SLC28A3: variants seen among roughly 807,000 people sequenced by gnomAD.
SLC28A3 encodes the protein concentrative Na(+)-nucleoside cotransporter 3.
SLC28A3 carries 68 observed loss-of-function variants against 84.2 expected under a neutral mutation model. The ratio of observed to expected loss-of-function variants is 0.81; its 90% confidence interval spans 0.66 to 0.99. SLC28A3 has a LOEUF of 0.99. Among genes scored for constraint, SLC28A3 ranks in the 50% least tolerant of loss-of-function variants. The pLI is 0.00. For missense variants in SLC28A3, 712 were observed against 841.5 expected (o/e 0.85, Z 1.90); for synonymous variants, 267 against 303.6 (o/e 0.88, Z 1.25).
At chr9:84,365,003 A>G in the SLC28A3 span, among the ~76,000 whole-genome samples, 1 of 152,196 alleles carries the variant, frequency 6.6e-6, no homozygotes, top group Non-Finnish European at 1.5e-5. Context: ...TATCTCTTCA[A>G]TATACTGACT....
the SLC28A3 span, among the ~76,000 whole-genome samples, chr9:84,366,983 C>A: frequency 6.6e-6 from 1 of 152,322 alleles, no homozygotes; most frequent in African/African-American, 2.4e-5. Flanking sequence ...GGTCAGCAAG[C>A]TCCCCCAGGC....
At chr9:84,292,035 A>G (rs929126673) in intron 10 of SLC28A3, among the ~76,000 whole-genome samples, 2 of 152,234 alleles carry the variant, frequency 1.3e-5, no homozygotes, top group African/African-American at 4.8e-5. Context: ...CTTATTTTTG[A>G]TGAGAAGAGA....
rs1240730185 is a variant in SLC28A3 at position 84,320,061 on chromosome 9, T to TTTTTTTTTTTTTTG, written c.61-6608_61-6607insCAAAAAAAAAAAAA. ...CACTGTTTTTTTTTTTTTTTTTTTT[T>TTTTTTTTTTTTTTG]TTTTTTGAGACAGATTCTCGCTCTG... On this transcript the variant is annotated intron_variant, in intron 1 of 17. Transcript: ENST00000376238. 5.8e-5 allele frequency among the ~76,000 whole-genome samples: 8 copies of TTTTTTTTTTTTTTG among 137,068 alleles called. 2 individuals carry two copies. The highest frequency in any genetic ancestry group is 2.3e-4 in the African/African-American group (8 of 34,924). The allele number at this position is 137,068 out of a possible 152,430, so 89.9% of individuals were successfully genotyped here.
At chr9:84,359,400 A>C in the SLC28A3 span, among the ~76,000 whole-genome samples, 1 of 152,320 alleles carries the variant, frequency 6.6e-6, no homozygotes, top group African/African-American at 2.4e-5. Flanking sequence ...TAAAAGAAAA[A>C]CATTAGAATA....
chr9:84,295,360 G>A (rs1185803890), intron 8 of SLC28A3, among the ~76,000 whole-genome samples: 1 of 152,076 alleles, frequency 6.6e-6, no homozygotes, highest in Non-Finnish European at 1.5e-5. Flanking sequence ...TGAGGCGGGC[G>A]GATCACCTGA....
chr9:84,316,221 TATA>T (rs1425290362), intron 1 of SLC28A3, among the ~76,000 whole-genome samples: 6 of 152,188 alleles, frequency 3.9e-5, no homozygotes, highest in Non-Finnish European at 8.8e-5. Context: ...TTCTAAACCA[TATA>T]ATAACTTCTA....
chr9:84,278,947 C>T (rs1246919298), intron 17 of SLC28A3, among the ~76,000 whole-genome samples: 1 of 148,138 alleles, frequency 6.8e-6, no homozygotes, highest in Non-Finnish European at 1.5e-5. Flanking sequence ...CTAATTCATA[C>T]AAAGTGCGTA....
At chr9:84,293,599 T>G (rs1179645893) in intron 9 of SLC28A3, among the ~76,000 whole-genome samples, 1 of 152,240 alleles carries the variant, frequency 6.6e-6, no homozygotes, top group Non-Finnish European at 1.5e-5. Flanking sequence ...ACGGAGCTCC[T>G]TGTCCTCTGA....
chr9:84,294,296 A>G (rs771422740), intron 8 of SLC28A3, 21 bp from the exon 9 acceptor site: 2 of 1,612,424 alleles, frequency 1.2e-6, no homozygotes, highest in Admixed American at 1.7e-5. Flanking sequence ...AGAAACAAAC[A>G]TGGATTAATG....
chr9:84,360,670 C>A, the SLC28A3 span, among the ~76,000 whole-genome samples: 1 of 152,088 alleles, frequency 6.6e-6, no homozygotes, highest in African/African-American at 2.4e-5. Context: ...GTAATCCCAG[C>A]ACTTTGGGAG....
At chr9:84,299,420 G>A (rs1442419778) in intron 6 of SLC28A3, among the ~76,000 whole-genome samples, 161 bp downstream of exon 6, 1 of 152,136 alleles carries the variant, frequency 6.6e-6, no homozygotes, top group Non-Finnish European at 1.5e-5. Context: ...ACAGTACCAT[G>A]AAAGTTCAGG....
intron 1 of SLC28A3, among the ~76,000 whole-genome samples, chr9:84,325,912 T>C (rs534002222): frequency 6.8e-4 from 104 of 152,272 alleles, no homozygotes; most frequent in African/African-American, 2.4e-3. Flanking sequence ...TTAAATGTCC[T>C]TTTAAAGGAA....
intron 3 of SLC28A3, among the ~76,000 whole-genome samples, chr9:84,309,215 T>C (rs1200422290): frequency 2.0e-5 from 3 of 151,992 alleles, no homozygotes; most frequent in Non-Finnish European, 2.9e-5. Flanking sequence ...TAATAAATTA[T>C]AATAAGTGTT....
chr9:84,279,610 T>A (rs2118028431), intron 16 of SLC28A3, among the ~76,000 whole-genome samples: 1 of 152,236 alleles, frequency 6.6e-6, no homozygotes, highest in South Asian at 2.1e-4. Context: ...ATTTTTGTAT[T>A]TTTAGTAGAG....
intron 1 of SLC28A3, among the ~76,000 whole-genome samples, chr9:84,313,944 A>G (rs1424764998): frequency 6.6e-6 from 1 of 152,084 alleles, no homozygotes; most frequent in Non-Finnish European, 1.5e-5. Context: ...TTCTGATACA[A>G]AAGTGGTCCA....
chr9:84,285,850 T>C lies in SLC28A3; in HGVS notation c.1449+93A>G, dbSNP rs1359885748. The C allele has an allele frequency of 5.7e-6, 8 of 1,392,918 alleles. No homozygotes were observed. The Admixed American group carries it at 2.0e-4, about 34-fold the overall frequency. 86.3% of individuals were successfully genotyped at this position (1,392,918 alleles called of 1,614,324 possible). ...GCTTCTACGGTGTGGAAGAGTCTAC[T>C]GAGGTTAGGGTGGGCTGTTTACAAA... On this transcript the variant is annotated intron_variant, in intron 13 of 17. Coordinates refer to ENST00000376238, the MANE Select transcript of SLC28A3 (RefSeq NM_001199633.2).
intron 14 of SLC28A3, among the ~76,000 whole-genome samples, chr9:84,283,560 T>TAC (rs1485788329): frequency 2.0e-5 from 3 of 152,260 alleles, no homozygotes; most frequent in African/African-American, 7.2e-5. Context: ...AAGGATGCCT[T>TAC]ACTTTTTCCT....
At chr9:84,340,795 T>C (rs2118646335), upstream of SLC28A3, 1 of 651,582 alleles carries the variant, frequency 1.5e-6, no homozygotes. Flanking sequence ...TGACTAGGGC[T>C]GACACCTGGT....
At chr9:84,359,318 T>C in the SLC28A3 span, among the ~76,000 whole-genome samples, 1 of 152,226 alleles carries the variant, frequency 6.6e-6, no homozygotes, top group Non-Finnish European at 1.5e-5. Flanking sequence ...AGATTTCACT[T>C]CTAGAAATCT....
Sources: allele counts gnomAD v4.1 joint callset (sites outside exome capture counted in the v4.1 genomes callset), GRCh38; gene constraint gnomAD v4.1.1; transcripts MANE v1.5; gene names NCBI Gene and HGNC (gene_info 2026-07-23, HGNC 2026-07-21).